The following ABCA8 variants were observed in gnomAD, a reference collection of about 807,000 sequenced individuals.
The protein encoded by ABCA8 is ATP binding cassette subfamily A member 8, also known as ABC-type organic anion transporter ABCA8.
In ABCA8, 177 loss-of-function variants were observed where a neutral mutation model predicts 192.3. That is an observed-to-expected ratio of 0.92 (90% CI 0.81 to 1.04). ABCA8 has a LOEUF of 1.04. ABCA8 is among the 50% of genes least tolerant of loss of function. The pLI is 0.00. For synonymous variants in ABCA8, 642 were observed against 690.2 expected (o/e 0.93, Z 1.09); for missense variants, 1,915 against 1,904.8 (o/e 1.01, Z -0.10).
At chr17:68,945,649 T>G (rs949069086) in intron 2 of ABCA8, among the ~76,000 whole-genome samples, 3 of 152,156 alleles carry the variant, frequency 2.0e-5, no homozygotes, top group African/African-American at 7.2e-5. Context: ...CCTAAGAGAG[T>G]GACCTAAGTC....
At chr17:68,901,036 G>T (rs2143469438) in intron 21 of ABCA8, among the ~76,000 whole-genome samples, 1 of 152,244 alleles carries the variant, frequency 6.6e-6, no homozygotes, top group Middle Eastern at 3.4e-3. Context: ...TTGCAAAAAG[G>T]CATTTGTTTA....
chr17:68,896,915 G>T (rs887978751), intron 21 of ABCA8, among the ~76,000 whole-genome samples: 1 of 152,200 alleles, frequency 6.6e-6, no homozygotes, highest in Non-Finnish European at 1.5e-5. Context: ...TCAAACTGTA[G>T]AAGTTATAGC....
intron 14 of ABCA8, 75 bp downstream of exon 14, chr17:68,919,226 A>C: frequency 7.5e-7 from 1 of 1,340,514 alleles, no homozygotes; most frequent in South Asian, 1.5e-5. Context: ...CAAATAATTT[A>C]AAATTAAAAC....
intron 11 of ABCA8, 69 bp from the exon 12 acceptor site, chr17:68,922,369 G>A: frequency 1.9e-6 from 2 of 1,075,424 alleles, no homozygotes; most frequent in East Asian, 3.0e-5. Flanking sequence ...TTGGTAGACA[G>A]GATTGGATAA....
intron 19 of ABCA8, among the ~76,000 whole-genome samples, chr17:68,905,074 T>C (rs1373068): frequency 6.6e-6 from 1 of 152,066 alleles, no homozygotes; most frequent in Admixed American, 6.5e-5. Context: ...GTGGACTGAA[T>C]CTAATAAAAC....
Position 68,876,625 on chromosome 17 carries a change from T to G in ABCA8, c.4275+3A>C, listed in dbSNP as rs775775143. The G allele has an allele frequency of 2.4e-5, 38 of 1,614,078 alleles. No individual in the cohort carries two copies. Among genetic ancestry groups the G allele is most frequent in the Non-Finnish European group, 3.2e-5 (38 of 1,180,024 alleles). On this transcript the variant is annotated splice_donor_region_variant and intron_variant, in intron 34 of 39. Coordinates refer to ENST00000586539, the MANE Select transcript of ABCA8 (RefSeq NM_001288985.2). ...GCAGAGCAACACCAAGCCCTGCCCG[T>G]ACCTTTCTCTTTATTCCCTCTGACA...
At chr17:68,920,253 G>T (rs1033285912) in intron 13 of ABCA8, among the ~76,000 whole-genome samples, 1 of 152,092 alleles carries the variant, frequency 6.6e-6, no homozygotes, top group Non-Finnish European at 1.5e-5. Flanking sequence ...TCTACTTGAT[G>T]GGGGAGGGTT....
intron 1 of ABCA8, among the ~76,000 whole-genome samples, chr17:68,950,692 A>T (rs1286908688): frequency 6.6e-6 from 1 of 151,200 alleles, no homozygotes; most frequent in African/African-American, 2.4e-5. Flanking sequence ...TTTTATTTCT[A>T]CTCTTTTTGG....
rs201897079 is a variant in ABCA8, at chr17:68,883,875, A to C, written c.3623T>G (p.Leu1208Arg). The change falls in exon 29 of 40, where the codon CTT becomes CGT. Residue 1208 changes from leucine to arginine, a missense_variant. Coordinates refer to ENST00000586539, the MANE Select transcript of ABCA8 (RefSeq NM_001288985.2). ...AGTAAAAAGAAAAATGATAAAATGA[A>C]GGAAAGGCTAGGAATAAAGAGAGAT... ...QPFLVFLIPF[L>R]HFIIFLFTLR... is the part of the protein sequence containing the mutation. The C allele has an allele frequency of 1.9e-6, 3 of 1,563,044 alleles. No homozygotes were observed. The highest frequency in any genetic ancestry group is 3.4e-4 in the Middle Eastern group (2 of 5,900).
intron 5 of ABCA8, among the ~76,000 whole-genome samples, chr17:68,935,540 C>CTATCTA (rs747035477): frequency 1.4e-4 from 12 of 87,290 alleles, no homozygotes; most frequent in African/African-American, 5.2e-4. Flanking sequence ...AGTAGTATTC[C>CTATCTA]TATATATATA....
chr17:68,882,527 G>T, intron 30 of ABCA8, 72 bp downstream of exon 30: 1 of 1,402,714 alleles, frequency 7.1e-7, no homozygotes, highest in African/African-American at 1.4e-5. Context: ...GTAAGGAACA[G>T]AGAAACTCAA....
chr17:68,940,772 G>C lies in ABCA8; in HGVS notation c.287C>G (p.Thr96Ser), dbSNP rs1567881924. The change falls in exon 4 of 40, where the codon ACT becomes AGT. Residue 96 changes from threonine to serine, a missense_variant. Physicochemically the swap from Thr to Ser is moderately conservative, Grantham distance 58. Coordinates refer to ENST00000586539, the MANE Select transcript of ABCA8 (RefSeq NM_001288985.2). ...AGAAAACTTACCTGCCAGGAAGGGA[G>C]TAGAGGCTACTTTATTCATTATCTG... is the stretch of plus-strand genomic sequence containing the variant. ...TQQIMNKVAS[T>S]PFLAGKEVLG... The C allele has an allele frequency of 6.2e-7, 1 of 1,613,244 alleles. No homozygotes were observed. Among genetic ancestry groups the C allele is most frequent in the African/African-American group, 1.3e-5 (1 of 75,026 alleles).
intron 13 of ABCA8, among the ~76,000 whole-genome samples, chr17:68,921,102 A>G (rs1281585391): frequency 2.6e-5 from 4 of 152,162 alleles, no homozygotes; most frequent in Admixed American, 6.5e-5. Flanking sequence ...TTGCAAGGAC[A>G]AAAAACCAAA....
In ABCA8 at chr17:68,911,549, T is replaced by G. The variant is rs554728777; in HGVS notation, c.2139-3670A>C. Among the ~76,000 whole-genome samples the G allele has an allele frequency of 2.0e-5, 3 of 151,998 alleles. No individual in the cohort carries two copies. The highest frequency in any genetic ancestry group is 4.2e-4 in the South Asian group (2 of 4,800). On this transcript the variant is annotated intron_variant, in intron 17 of 39. Transcript: ENST00000586539. The surrounding 1 kb of genome is among the most constrained non-coding windows in gnomAD (Gnocchi z 5.7). ...GGAAGGACACAGGCCTGGCTGTATT[T>G]GCCACCTGCTGCCTGAAGAGCCCTT... is the stretch of plus-strand genomic sequence containing the variant.
chr17:68,877,766 A>G, intron 32 of ABCA8, 87 bp from the exon 33 acceptor site: 1 of 1,388,586 alleles, frequency 7.2e-7, no homozygotes, highest in South Asian at 1.5e-5. Context: ...ACGAACCTAG[A>G]AAAACTAGAG....
At position 68,919,469 on chromosome 17, in the gene ABCA8, G is replaced by A. The variant is rs760641499; in HGVS notation, c.1620C>T (p.Val540=). 6 of 1,611,662 alleles carry A rather than the reference G, an allele frequency of 3.7e-6. No individual in the cohort carries two copies. The African/African-American group carries it at 6.7e-5, about 18-fold the overall frequency. Residue 540 remains valine, a synonymous_variant, in exon 14 of 40, where the codon GTC becomes GTT. Coordinates refer to ENST00000586539, the MANE Select transcript of ABCA8 (RefSeq NM_001288985.2). ...SGLSVPTKGS[V]TIYNNKLSEM... ...CTGAAAGCTTATTGTTATAGATGGT[G>A]ACTGAACCTGTAACAAAGGAAAAGT...
chr17:68,947,960 T>G (rs1598299992), intron 2 of ABCA8, among the ~76,000 whole-genome samples: 1 of 152,282 alleles, frequency 6.6e-6, no homozygotes. Flanking sequence ...GTGTTCTCAT[T>G]GTTCAACTCC....
chr17:68,903,541 G>T (rs1428011138), intron 19 of ABCA8, 42 bp from the exon 20 acceptor site: 1 of 1,581,444 alleles, frequency 6.3e-7, no homozygotes, highest in Admixed American at 1.7e-5. Context: ...ACTTTATTGA[G>T]CTTACTATAG....
chr17:68,898,527 A>G (rs1301479460), intron 21 of ABCA8, among the ~76,000 whole-genome samples: 1 of 152,176 alleles, frequency 6.6e-6, no homozygotes, highest in Non-Finnish European at 1.5e-5. Context: ...AAGGCCAAAG[A>G]GGATCAGCAA....
Sources: allele counts gnomAD v4.1 joint callset (sites outside exome capture counted in the v4.1 genomes callset), GRCh38; gene constraint gnomAD v4.1.1; non-coding constraint Gnocchi (gnomAD v3.1); transcripts MANE v1.5; gene names NCBI Gene and HGNC (gene_info 2026-07-23, HGNC 2026-07-21).